ZNRF2: variants seen among roughly 807,000 people sequenced by gnomAD.
The protein encoded by ZNRF2 is E3 ubiquitin-protein ligase ZNRF2.
A neutral mutation model predicts 20.4 loss-of-function variants in ZNRF2; 16 were observed. The observed-to-expected ratio is 0.79, with a 90% CI of 0.53 to 1.19. ZNRF2 has a LOEUF of 1.19. ZNRF2 is among the 50% of genes most tolerant of loss of function. The pLI is 0.00. For synonymous variants in ZNRF2, 178 were observed against 144.9 expected, an observed-to-expected ratio of 1.23 and a Z score of -1.64; for missense variants, 363 against 332.4, an observed-to-expected ratio of 1.09 and a Z score of -0.72.
chr7:30,338,846 G>A (rs1039765187), intron 2 of ZNRF2, among the ~76,000 whole-genome samples: 2 of 152,074 alleles, frequency 1.3e-5, no homozygotes, highest in Admixed American at 6.6e-5. Context: ...TTGAGGAATC[G>A]CCACACTGTC....
chr7:30,356,658 G>A (rs1800043126), intron 3 of ZNRF2, among the ~76,000 whole-genome samples: 1 of 150,684 alleles, frequency 6.6e-6, no homozygotes, highest in Non-Finnish European at 1.5e-5. Flanking sequence ...CATTATTAGG[G>A]ATAGAATTCC....
intron 2 of ZNRF2, among the ~76,000 whole-genome samples, chr7:30,348,793 T>G (rs4722979): frequency 0.19 from 28,440 of 152,208 alleles, 3,304 homozygotes; most frequent in Middle Eastern, 0.27. Context: ...ATAGTTAAGA[T>G]GAGCTGCATC....
intron 1 of ZNRF2, among the ~76,000 whole-genome samples, chr7:30,310,222 C>G (rs575860544): frequency 1.3e-5 from 2 of 152,356 alleles, no homozygotes; most frequent in East Asian, 3.9e-4. Context: ...ACTGGCCTGA[C>G]TGGAACATCT....
At chr7:30,325,522 A>G (rs1248115188) in intron 2 of ZNRF2, among the ~76,000 whole-genome samples, 1 of 152,224 alleles carries the variant, frequency 6.6e-6, no homozygotes, top group Non-Finnish European at 1.5e-5. Flanking sequence ...AGCAGCACTT[A>G]TCTGAGCTTT....
In ZNRF2 at chr7:30,285,719, C is replaced by A; in HGVS notation, c.362C>A (p.Pro121His). 2 of 1,480,444 alleles carry A rather than the reference C, an allele frequency of 1.4e-6. No individual in the cohort carries two copies. Among genetic ancestry groups the A allele is most frequent in the Admixed American group, 2.6e-5 (1 of 38,496 alleles). 91.7% of individuals were successfully genotyped at this position (1,480,444 alleles called of 1,614,324 possible). Reference protein sequence around the residue: ...YGSQDSVHSSPEDGGGGRDRP... With the variant: ...YGSQDSVHSSHEDGGGGRDRP... ...TCGCAGGACTCGGTGCACAGCAGCCCTGAGGACGGCGGCGGCGGCCGGGAC... is the reference window on the plus strand; with the variant it reads ...TCGCAGGACTCGGTGCACAGCAGCCATGAGGACGGCGGCGGCGGCCGGGAC... The change falls in exon 1 of 5, where the codon CCT (proline) becomes CAT (histidine). Residue 121 changes from proline to histidine, a missense_variant. Around this residue, in one of 2 missense-constraint regions of ZNRF2, gnomAD observed 302 missense variants for 231.5 expected, o/e 1.30. Transcript: ENST00000323037.
intron 1 of ZNRF2, among the ~76,000 whole-genome samples, chr7:30,303,583 A>G (rs114120122): frequency 0.04 from 6,024 of 152,288 alleles, 390 homozygotes; most frequent in African/African-American, 0.14. Flanking sequence ...CTCATAGACT[A>G]TGATAAACTG....
intron 1 of ZNRF2, among the ~76,000 whole-genome samples, chr7:30,302,171 T>C (rs1199225194): frequency 2.6e-5 from 4 of 152,226 alleles, no homozygotes; most frequent in Non-Finnish European, 5.9e-5. Context: ...AATTACTGTA[T>C]GTAGCAAGGA....
Position 30,297,156 on chromosome 7 carries a change from C to CGG in ZNRF2, c.469+11330_469+11331insGG, listed in dbSNP as rs1799032859. ...TTTAAAAATTGTTTAGTTTTACAACCCTCCCTCATTTGTATAAATCTCCTC... is the reference window on the plus strand; with the variant it reads ...TTTAAAAATTGTTTAGTTTTACAACCGGCTCCCTCATTTGTATAAATCTCCTC... On this transcript the variant is annotated intron_variant, in intron 1 of 4. Transcript: ENST00000323037. Among the ~76,000 whole-genome samples, 6 of 152,026 alleles carry CGG rather than the reference C, an allele frequency of 3.9e-5. No homozygotes were observed. In the South Asian group the frequency reaches 6.2e-4, roughly 16 times the overall value.
chr7:30,310,384 G>T (rs148267648), intron 1 of ZNRF2, among the ~76,000 whole-genome samples: 1 of 152,250 alleles, frequency 6.6e-6, no homozygotes, highest in East Asian at 1.9e-4. Context: ...AGTTCTTAAA[G>T]ACTTAATCCA....
At chr7:30,334,483 T>C (rs1271637660) in intron 2 of ZNRF2, among the ~76,000 whole-genome samples, 1 of 152,216 alleles carries the variant, frequency 6.6e-6, no homozygotes, top group Non-Finnish European at 1.5e-5. Flanking sequence ...TTCTTTTGGT[T>C]CCATATGAAT....
At chr7:30,322,942 A>G (rs1799496187) in intron 1 of ZNRF2, among the ~76,000 whole-genome samples, 1 of 152,146 alleles carries the variant, frequency 6.6e-6, no homozygotes, top group Non-Finnish European at 1.5e-5. Flanking sequence ...GTTTATTTTT[A>G]ATGGAGTACT....
chr7:30,285,855 T>G (rs1296785682), intron 1 of ZNRF2, 29 bp downstream of exon 1: 3 of 1,447,986 alleles, frequency 2.1e-6, no homozygotes, highest in African/African-American at 1.5e-5. Context: ...GCACCCGCGC[T>G]CGGTCCTCCC....
intron 2 of ZNRF2, among the ~76,000 whole-genome samples, chr7:30,337,089 TCTTA>T (rs946898867): frequency 2.0e-5 from 3 of 152,210 alleles, no homozygotes; most frequent in Non-Finnish European, 2.9e-5. Context: ...TTTTAAAGTC[TCTTA>T]CTTGTTTTGG....
intron 2 of ZNRF2, among the ~76,000 whole-genome samples, chr7:30,327,689 TA>T (rs1157898969): frequency 6.6e-6 from 1 of 151,872 alleles, no homozygotes; most frequent in Non-Finnish European, 1.5e-5. Flanking sequence ...AAAATAAAAA[TA>T]TATATATTTT....
intron 1 of ZNRF2, among the ~76,000 whole-genome samples, chr7:30,317,638 T>G (rs541332989): frequency 6.6e-6 from 1 of 152,318 alleles, no homozygotes; most frequent in African/African-American, 2.4e-5. Flanking sequence ...GGCATGGGGT[T>G]GCTTGCATGC....
chr7:30,312,163 T>C (rs1799301256), intron 1 of ZNRF2, among the ~76,000 whole-genome samples: 2 of 152,054 alleles, frequency 1.3e-5, no homozygotes, highest in South Asian at 4.1e-4. Flanking sequence ...TTTTTTTCCG[T>C]AGAGACAGGG....
chr7:30,333,585 G>C (rs1399669113), intron 2 of ZNRF2, among the ~76,000 whole-genome samples: 1 of 152,040 alleles, frequency 6.6e-6, no homozygotes, highest in African/African-American at 2.4e-5. Flanking sequence ...GGCCAGGCTG[G>C]TCTTGAACTC....
At chr7:30,332,893 A>G (rs1374542893) in intron 2 of ZNRF2, among the ~76,000 whole-genome samples, 1 of 152,086 alleles carries the variant, frequency 6.6e-6, no homozygotes, top group African/African-American at 2.4e-5. Flanking sequence ...TAGATACCCA[A>G]TAGTAGGATT....
chr7:30,288,259 C>A (rs564264445), intron 1 of ZNRF2, among the ~76,000 whole-genome samples: 11 of 152,196 alleles, frequency 7.2e-5, no homozygotes, highest in Middle Eastern at 3.4e-3. Context: ...TGGTTATATA[C>A]AAATAACTGC....
Sources: allele counts gnomAD v4.1 joint callset (sites outside exome capture counted in the v4.1 genomes callset), GRCh38; gene constraint gnomAD v4.1.1; regional missense constraint gnomAD v4.1.1; transcripts MANE v1.5; gene names NCBI Gene and HGNC (gene_info 2026-07-23, HGNC 2026-07-21).